Variants in ERBB4 observed in about 807,000 individuals in gnomAD.
ERBB4 encodes receptor tyrosine-protein kinase erbB-4.
ERBB4 carries 42 observed loss-of-function variants against 158.0 expected under a neutral mutation model. The ratio of observed to expected loss-of-function variants is 0.27; its 90% CI spans 0.21 to 0.34. The LOEUF (loss-of-function observed/expected upper bound fraction) is 0.34, where lower values mean the gene tolerates loss of function less well. Among genes scored for constraint, ERBB4 ranks in the 10% least tolerant of loss-of-function variants. ERBB4 has a pLI of 1.00. For synonymous variants in ERBB4, 583 were observed against 558.7 expected (o/e 1.04, Z -0.61); for missense variants, 1,333 against 1,624.1 (o/e 0.82, Z 3.08).
At chr2:212,076,106 T>C (rs964746739) in intron 2 of ERBB4, among the ~76,000 whole-genome samples, 2 of 151,902 alleles carry the variant, frequency 1.3e-5, no homozygotes, top group African/African-American at 2.4e-5. Flanking sequence ...GACACCTCAA[T>C]TGGTTTGTTA....
chr2:211,708,118 A>G (rs1288058520), intron 9 of ERBB4, among the ~76,000 whole-genome samples: 7 of 152,044 alleles, frequency 4.6e-5, no homozygotes, highest in Non-Finnish European at 1.0e-4. Context: ...ACACACACAA[A>G]CACACATTAC....
chr2:211,413,450 A>G (rs1013809931), intron 25 of ERBB4, among the ~76,000 whole-genome samples: 1 of 152,022 alleles, frequency 6.6e-6, no homozygotes, highest in East Asian at 1.9e-4. Context: ...ATAAAAACAA[A>G]CAAATAAACA....
At chr2:211,681,296 A>G (rs1235952229) in intron 12 of ERBB4, among the ~76,000 whole-genome samples, 1 of 152,214 alleles carries the variant, frequency 6.6e-6, no homozygotes, top group Non-Finnish European at 1.5e-5. Context: ...GATGTTAAAA[A>G]TAGTAGTAGT....
At chr2:212,139,841 T>A (rs904318144) in intron 1 of ERBB4, among the ~76,000 whole-genome samples, 1 of 151,960 alleles carries the variant, frequency 6.6e-6, no homozygotes, top group Non-Finnish European at 1.5e-5. Context: ...ATTTTTAAAA[T>A]TTGAAGCACA....
intron 19 of ERBB4, among the ~76,000 whole-genome samples, chr2:211,614,932 T>C (rs2069330783): frequency 6.6e-6 from 1 of 152,082 alleles, no homozygotes; most frequent in African/African-American, 2.4e-5. Flanking sequence ...AAACAAGCTA[T>C]TCTTTTTAAT....
rs574247743 is a variant in ERBB4 at position 212,068,075 on chromosome 2, T to G, written c.234+56677A>C. On this transcript the variant is annotated intron_variant, in intron 2 of 27. Coordinates refer to ENST00000342788, the MANE Select transcript of ERBB4 (RefSeq NM_005235.3). ...TGGTTCAGTTCATGGGGAGCCTGGC[T>G]GAGGAATAAACTCCAAACTCTTAGT... Among the ~76,000 whole-genome samples the G allele has an allele frequency of 5.3e-5, 8 of 152,180 alleles. No individual in the cohort carries two copies. In the East Asian group the frequency reaches 1.2e-3, roughly 22 times the overall value.
chr2:212,000,747 ATAAT>A (rs1385724463), intron 2 of ERBB4, among the ~76,000 whole-genome samples: 1 of 151,874 alleles, frequency 6.6e-6, no homozygotes, highest in African/African-American at 2.4e-5. Context: ...ACCAAAATCT[ATAAT>A]TAGATAGAAT....
intron 20 of ERBB4, among the ~76,000 whole-genome samples, chr2:211,506,832 C>A (rs2065763708): frequency 6.6e-6 from 1 of 151,990 alleles, no homozygotes; most frequent in Admixed American, 6.6e-5. Context: ...TGTCACACTT[C>A]CAACCCCAAA....
At chr2:212,314,459 C>T (rs1481775693) in intron 1 of ERBB4, among the ~76,000 whole-genome samples, 2 of 149,676 alleles carry the variant, frequency 1.3e-5, no homozygotes, top group East Asian at 2.0e-4. Context: ...AAAAATGAAA[C>T]AGTTAAATTA....
chr2:211,861,124 T>TTATATATATATATTTTTTATATA (rs1229268256), intron 3 of ERBB4, among the ~76,000 whole-genome samples: 1 of 20,254 alleles, frequency 4.9e-5, no homozygotes, highest in African/African-American at 2.3e-4. Context: ...TATATATATT[T>TTATATATATATATTTTTTATATA]TATATATATA....
At chr2:212,436,503 A>G (rs1015663715) in intron 1 of ERBB4, among the ~76,000 whole-genome samples, 8 of 152,098 alleles carry the variant, frequency 5.3e-5, no homozygotes, top group African/African-American at 1.9e-4. Context: ...GAAAAAGAAT[A>G]AGATAAATAT....
At chr2:212,392,790 G>A (rs568691506) in intron 1 of ERBB4, among the ~76,000 whole-genome samples, 21 of 151,708 alleles carry the variant, frequency 1.4e-4, no homozygotes, top group Non-Finnish European at 2.5e-4. Flanking sequence ...TTACATTACT[G>A]GTCAACAAAC....
At chr2:212,359,629 T>C (rs969313794) in intron 1 of ERBB4, among the ~76,000 whole-genome samples, 1 of 151,710 alleles carries the variant, frequency 6.6e-6, no homozygotes, top group African/African-American at 2.4e-5. Context: ...AGATAAGGAA[T>C]CTGCTGAAAG....
chr2:211,912,974 A>AT (rs1416827882), intron 3 of ERBB4, among the ~76,000 whole-genome samples: 5 of 152,074 alleles, frequency 3.3e-5, no homozygotes, highest in Non-Finnish European at 5.9e-5. Flanking sequence ...CTAAAATCTG[A>AT]TTTACCAGCA....
intron 1 of ERBB4, among the ~76,000 whole-genome samples, chr2:212,480,509 A>G (rs1666582683): frequency 6.6e-6 from 1 of 152,226 alleles, no homozygotes; most frequent in African/African-American, 2.4e-5. Context: ...GTCTTGAAAT[A>G]AGAACTAAAG....
At chr2:212,474,260 A>T (rs1459604269) in intron 1 of ERBB4, among the ~76,000 whole-genome samples, 2 of 151,952 alleles carry the variant, frequency 1.3e-5, no homozygotes, top group African/African-American at 4.8e-5. Context: ...TACTTTGCAA[A>T]TAGGGGTCCA....
At chr2:211,632,460 T>C (rs964723809) in intron 16 of ERBB4, among the ~76,000 whole-genome samples, 1 of 152,100 alleles carries the variant, frequency 6.6e-6, no homozygotes, top group Non-Finnish European at 1.5e-5. Flanking sequence ...TTGAGACTAA[T>C]GTCCAACATT....
intron 16 of ERBB4, among the ~76,000 whole-genome samples, chr2:211,640,926 T>C (rs1428623464): frequency 1.3e-5 from 2 of 152,116 alleles, no homozygotes; most frequent in Admixed American, 6.6e-5. Flanking sequence ...AGGCCGATGA[T>C]GCCTTAAAGG....
intron 1 of ERBB4, among the ~76,000 whole-genome samples, chr2:212,331,056 T>TTTTATATATATATA (rs1195085255): frequency 0.057 from 1,441 of 25,292 alleles, 52 homozygotes; most frequent in African/African-American, 0.089. Flanking sequence ...TATTTGTAAT[T>TTTTATATATATATA]TGTATATATA....
Sources: allele counts gnomAD v4.1 joint callset (sites outside exome capture counted in the v4.1 genomes callset), GRCh38; gene constraint gnomAD v4.1.1; transcripts MANE v1.5; gene names NCBI Gene and HGNC (gene_info 2026-07-23, HGNC 2026-07-21).